The following RYR2 variants were observed in gnomAD, a reference collection of about 807,000 sequenced individuals.
RYR2 encodes the protein ryanodine receptor 2.
Under a neutral mutation model 601.1 loss-of-function variants are expected in RYR2, and 227 were observed. That is an observed-to-expected ratio of 0.38 (90% CI 0.34 to 0.42). The LOEUF is 0.42. RYR2 is among the 10% of genes least tolerant of loss of function. The pLI is 1.00. For missense variants in RYR2, 4,646 were observed against 6,156.5 expected, an observed-to-expected ratio of 0.75 and a Z score of 8.21; for synonymous variants, 2,223 against 2,175.1, an observed-to-expected ratio of 1.02 and a Z score of -0.61.
chr1:237,546,578 G>T (rs1311430057), intron 25 of RYR2, among the ~76,000 whole-genome samples: 1 of 151,840 alleles, frequency 6.6e-6, no homozygotes, highest in South Asian at 2.1e-4. Context: ...ATGGGGTTTT[G>T]CCATATCAGC....
intron 24 of RYR2, among the ~76,000 whole-genome samples, chr1:237,525,011 A>G (rs938786701): frequency 2.0e-5 from 3 of 152,126 alleles, no homozygotes; most frequent in African/African-American, 4.8e-5. Flanking sequence ...GAATTTACCT[A>G]TGTGCGTTGT....
chr1:237,755,028 C>CA (rs550022233), intron 80 of RYR2: 438 of 1,256,092 alleles, frequency 3.5e-4, no homozygotes, highest in Non-Finnish European at 4.2e-4. Context: ...TATAGTGTGA[C>CA]AAAAAAAACC....
At chr1:237,286,530 C>T (rs1181657806) in intron 2 of RYR2, among the ~76,000 whole-genome samples, 1 of 150,730 alleles carries the variant, frequency 6.6e-6, no homozygotes, top group Non-Finnish European at 1.5e-5. Context: ...AAGTCCATTT[C>T]TTCCAATGTG....
chr1:237,418,594 C>G (rs1705244396), intron 11 of RYR2, among the ~76,000 whole-genome samples: 1 of 152,110 alleles, frequency 6.6e-6, no homozygotes, highest in African/African-American at 2.4e-5. Context: ...TCACCCTTTT[C>G]AAAGTATCCA....
At chr1:237,074,948 G>C (rs1231948164) in intron 1 of RYR2, among the ~76,000 whole-genome samples, 1 of 152,192 alleles carries the variant, frequency 6.6e-6, no homozygotes. Flanking sequence ...GGATTGTGCA[G>C]CCAGGTCTCG....
intron 29 of RYR2, among the ~76,000 whole-genome samples, chr1:237,583,871 G>A (rs940726856): frequency 2.0e-5 from 3 of 152,134 alleles, no homozygotes; most frequent in Admixed American, 6.6e-5. Context: ...TCTGGAGCAG[G>A]GAGGCTCATC....
At chr1:237,580,180 A>C (rs1481805134) in intron 29 of RYR2, among the ~76,000 whole-genome samples, 2 of 76,324 alleles carry the variant, frequency 2.6e-5, no homozygotes, top group Non-Finnish European at 5.2e-5. Context: ...TTTGAGACGG[A>C]GTTTTGCTCT....
intron 1 of RYR2, among the ~76,000 whole-genome samples, chr1:237,075,125 C>A (rs189312923): frequency 6.6e-6 from 1 of 152,184 alleles, no homozygotes; most frequent in South Asian, 2.1e-4. Flanking sequence ...AAATCTGAGC[C>A]TCTAAGCAAC....
chr1:237,440,551 GA>G, intron 12 of RYR2, among the ~76,000 whole-genome samples: 1 of 152,152 alleles, frequency 6.6e-6, no homozygotes, highest in Middle Eastern at 3.4e-3. Flanking sequence ...ACAGAGATTT[GA>G]AAAAAACATT....
At position 237,815,354 on chromosome 1, in the gene RYR2, G is replaced by A. The variant is rs564912329; in HGVS notation, c.14434-3682G>A. Among the ~76,000 whole-genome samples the A allele has an allele frequency of 2.0e-5, 3 of 152,236 alleles. No individual in the cohort carries two copies. In the East Asian group the frequency reaches 5.8e-4, roughly 29 times the overall value. ...GCTGAAAGCCTGACAGCCATGTATTGGAAGTTATTCACCACATACCTCCTA... is the reference window on the plus strand; with the variant it reads ...GCTGAAAGCCTGACAGCCATGTATTAGAAGTTATTCACCACATACCTCCTA... On this transcript the variant is annotated intron_variant, in intron 100 of 104. Coordinates refer to ENST00000366574, the MANE Select transcript of RYR2 (RefSeq NM_001035.3).
chr1:237,313,505 G>A (rs942927799), intron 2 of RYR2, among the ~76,000 whole-genome samples: 7 of 152,296 alleles, frequency 4.6e-5, no homozygotes, highest in Non-Finnish European at 1.0e-4. Flanking sequence ...CACAAGCCAA[G>A]GAATGTAGAA....
chr1:237,202,788 G>A (rs1213913523), intron 1 of RYR2, among the ~76,000 whole-genome samples: 1 of 152,126 alleles, frequency 6.6e-6, no homozygotes, highest in African/African-American at 2.4e-5. Flanking sequence ...TGCATCTTCT[G>A]AGCATGCTTC....
intron 1 of RYR2, among the ~76,000 whole-genome samples, chr1:237,237,443 G>T (rs1685662750): frequency 6.6e-6 from 1 of 152,198 alleles, no homozygotes; most frequent in Admixed American, 6.5e-5. Flanking sequence ...ACTAGTTCAT[G>T]CTATGAAAAG....
chr1:237,657,710 TTA>T (rs1180016461), intron 53 of RYR2, among the ~76,000 whole-genome samples: 3 of 151,724 alleles, frequency 2.0e-5, no homozygotes, highest in Admixed American at 6.6e-5. Context: ...ATGTAATTTG[TTA>T]TGTTAGCACA....
chr1:237,197,011 CA>C (rs1302451982), intron 1 of RYR2, among the ~76,000 whole-genome samples: 3 of 152,144 alleles, frequency 2.0e-5, no homozygotes, highest in South Asian at 2.1e-4. Context: ...TTAAGTGTGT[CA>C]TTTTTTTCTT....
chr1:237,558,509 G>A (rs1671133139), intron 27 of RYR2, among the ~76,000 whole-genome samples: 1 of 152,132 alleles, frequency 6.6e-6, no homozygotes, highest in African/African-American at 2.4e-5. Context: ...TATGTGATGA[G>A]TTGCTTCTCT....
chr1:237,621,051 A>T (rs529268428), intron 38 of RYR2, among the ~76,000 whole-genome samples: 1 of 152,254 alleles, frequency 6.6e-6, no homozygotes, highest in African/African-American at 2.4e-5. Flanking sequence ...TTAAAAGTTG[A>T]AATCATACAC....
chr1:237,822,477 G>T (rs756316706), intron 101 of RYR2, among the ~76,000 whole-genome samples: 1 of 151,520 alleles, frequency 6.6e-6, no homozygotes, highest in Non-Finnish European at 1.5e-5. Context: ...ACAAGCAAAT[G>T]CTGAGAGATT....
chr1:237,453,565 A>C (rs563428595), intron 14 of RYR2, among the ~76,000 whole-genome samples: 1 of 152,190 alleles, frequency 6.6e-6, no homozygotes, highest in Non-Finnish European at 1.5e-5. Flanking sequence ...TAATATTTCT[A>C]TGCATTAACA....
Sources: gnomAD v4.1 joint callset for allele counts (sites outside exome capture counted in the v4.1 genomes callset) on GRCh38, gnomAD v4.1.1 for gene constraint, MANE v1.5 for transcripts, NCBI Gene and HGNC (gene_info 2026-07-23, HGNC 2026-07-21) for gene names.